SLC35F4: variants seen among roughly 807,000 people sequenced by gnomAD.
SLC35F4 encodes solute carrier family 35 member F4.
In SLC35F4, 24 loss-of-function variants were observed where a neutral mutation model predicts 44.2. The ratio of observed to expected loss-of-function variants is 0.54; its 90% CI spans 0.39 to 0.76. The LOEUF is 0.76. Among genes scored for constraint, SLC35F4 ranks in the 30% least tolerant of loss-of-function variants. SLC35F4 has a pLI of 0.00. For synonymous variants in SLC35F4, 238 were observed against 223.6 expected (o/e 1.06, Z -0.57); for missense variants, 562 against 586.1 (o/e 0.96, Z 0.42).
intron 7 of SLC35F4, among the ~76,000 whole-genome samples, chr14:57,565,393 A>G (rs1258117396): frequency 2.6e-5 from 4 of 152,162 alleles, no homozygotes; most frequent in Non-Finnish European, 5.9e-5. Context: ...TGCTCCTCCT[A>G]TGCGCCCTCG....
intron 1 of SLC35F4, among the ~76,000 whole-genome samples, chr14:57,650,528 T>G (rs1013870326): frequency 9.2e-5 from 14 of 152,104 alleles, no homozygotes; most frequent in African/African-American, 3.4e-4. Context: ...TCTATGTCTG[T>G]CACCTAATTC....
intron 1 of SLC35F4, among the ~76,000 whole-genome samples, chr14:57,910,307 A>C (rs1889191846): frequency 6.6e-6 from 1 of 152,062 alleles, no homozygotes; most frequent in Admixed American, 6.6e-5. Context: ...ATTTTAATGA[A>C]GCCTAGCTTA....
intron 1 of SLC35F4, among the ~76,000 whole-genome samples, chr14:57,709,513 A>G (rs1340676087): frequency 6.6e-6 from 1 of 152,106 alleles, no homozygotes; most frequent in Non-Finnish European, 1.5e-5. Context: ...TCTATGATCT[A>G]TATCTAGTAT....
chr14:57,826,700 A>C (rs1883803604), intron 1 of SLC35F4, among the ~76,000 whole-genome samples: 1 of 152,146 alleles, frequency 6.6e-6, no homozygotes, highest in Non-Finnish European at 1.5e-5. Context: ...GGTGAAGGAC[A>C]TGAACAGACA....
At chr14:57,658,534 G>A (rs1478586449) in intron 1 of SLC35F4, among the ~76,000 whole-genome samples, 1 of 152,132 alleles carries the variant, frequency 6.6e-6, no homozygotes, top group African/African-American at 2.4e-5. Flanking sequence ...TGAAACAGCA[G>A]ACATAAAAGA....
intron 1 of SLC35F4, among the ~76,000 whole-genome samples, chr14:57,740,490 T>A (rs1380877934): frequency 6.6e-6 from 1 of 152,158 alleles, no homozygotes; most frequent in Admixed American, 6.5e-5. Flanking sequence ...TTACAGAGGC[T>A]GGGAAGGTTA....
chr14:57,631,055 C>T (rs2072746293), intron 1 of SLC35F4: 1 of 167,604 alleles, frequency 6.0e-6, no homozygotes, highest in Admixed American at 6.4e-5. Flanking sequence ...AGAAATGTAG[C>T]TTGTTAATAA....
chr14:57,919,599 GGACCAGTAACTAA>G (rs749524382), intron 1 of SLC35F4, among the ~76,000 whole-genome samples: 13 of 152,138 alleles, frequency 8.5e-5, no homozygotes, highest in Non-Finnish European at 1.3e-4. Context: ...TTCCAGGGGT[GGACCAGTAACTAA>G]GACCACCAGA....
Position 57,921,475 on chromosome 14 carries a change from C to A in SLC35F4, n.282+60438G>T, listed in dbSNP as rs527454957. 2.1e-4 allele frequency among the ~76,000 whole-genome samples: 32 copies of A among 152,320 alleles called. 1 individual carries two copies. The highest frequency in any genetic ancestry group is 1.1e-3 in the Admixed American group (17 of 15,304). On this transcript the variant is annotated intron_variant and non_coding_transcript_variant, in intron 1 of 1. Coordinates refer to the SLC35F4 transcript ENST00000556568. The stretch of plus-strand genomic sequence containing the variant: ...CTCTAAAGCTGGAGTGATAATAGTA[C>A]CTAAGGTCCTTAGACCAGTATATTA...
chr14:57,961,454 TC>T (rs1890338504), intron 1 of SLC35F4, among the ~76,000 whole-genome samples: 1 of 152,134 alleles, frequency 6.6e-6, no homozygotes, highest in Admixed American at 6.5e-5. Context: ...CAAGTCACAC[TC>T]CTTAGGTCTT....
chr14:57,587,870 CA>C (rs60521934), intron 3 of SLC35F4, among the ~76,000 whole-genome samples: 37,324 of 124,458 alleles, frequency 0.3, 4,648 homozygotes, highest in Admixed American at 0.4. Flanking sequence ...ATGCACCTTC[CA>C]AAAAAAAAAA....
intron 1 of SLC35F4, among the ~76,000 whole-genome samples, chr14:57,743,617 C>A (rs542071052): frequency 5.3e-5 from 8 of 152,070 alleles, no homozygotes; most frequent in East Asian, 1.9e-4. Context: ...CAGGACCAGA[C>A]GGATTCACAG....
chr14:57,752,470 C>CT (rs549841375), intron 1 of SLC35F4, among the ~76,000 whole-genome samples: 5,134 of 145,620 alleles, frequency 0.035, 130 homozygotes, highest in South Asian at 0.065. Flanking sequence ...TCTTTTTTTT[C>CT]TTTTTTTTTG....
chr14:57,704,141 T>A (rs1885847), intron 1 of SLC35F4, among the ~76,000 whole-genome samples: 139,491 of 152,256 alleles, frequency 0.92, 64,551 homozygotes, highest in Non-Finnish European at 1. Context: ...AGAAACATAG[T>A]CACCCAAAAT....
chr14:57,915,652 C>T lies in SLC35F4; in HGVS notation n.282+66261G>A, dbSNP rs185462351. Among the ~76,000 whole-genome samples the T allele has an allele frequency of 2.8e-5, 4 of 142,294 alleles. 1 individual carries two copies. Among genetic ancestry groups the T allele is most frequent in the Non-Finnish European group, 6.2e-5 (4 of 64,472 alleles). 93.4% of individuals were successfully genotyped at this position (142,294 alleles called of 152,430 possible). A position where few individuals can be genotyped will look rare whatever the true frequency, so the allele number is the denominator to read the frequency against. On this transcript the variant is annotated intron_variant and non_coding_transcript_variant, in intron 1 of 1. Transcript: ENST00000556568. ...CCTGGGCATGGACACATTTCAGCCA[C>T]GGTCTTTGCCACATTATAACAAGGA... is the stretch of plus-strand genomic sequence containing the variant.
At chr14:57,570,596 T>G (rs949456294) in intron 5 of SLC35F4, among the ~76,000 whole-genome samples, 1 of 152,150 alleles carries the variant, frequency 6.6e-6, no homozygotes, top group African/African-American at 2.4e-5. Flanking sequence ...CACAACAGAT[T>G]ACAGAGAAAG....
intron 1 of SLC35F4, among the ~76,000 whole-genome samples, chr14:57,643,302 G>A (rs1055579450): frequency 1.3e-4 from 20 of 151,886 alleles, no homozygotes; most frequent in African/African-American, 4.6e-4. Context: ...GCATACCAAG[G>A]ACTCTTAACA....
intron 1 of SLC35F4, among the ~76,000 whole-genome samples, chr14:57,657,614 G>A (rs972432509): frequency 9.2e-5 from 14 of 152,048 alleles, no homozygotes; most frequent in African/African-American, 2.4e-4. Context: ...TGCATCGCAC[G>A]TGAGATTCTG....
chr14:57,568,509 C>G (rs946516740), intron 6 of SLC35F4, among the ~76,000 whole-genome samples: 1 of 152,118 alleles, frequency 6.6e-6, no homozygotes, highest in Non-Finnish European at 1.5e-5. Flanking sequence ...CTCAGCTTAG[C>G]AGAGGTTATG....
Sources: gnomAD v4.1 joint callset for allele counts (sites outside exome capture counted in the v4.1 genomes callset) on GRCh38, gnomAD v4.1.1 for gene constraint, MANE v1.5 for transcripts, NCBI Gene and HGNC (gene_info 2026-07-23, HGNC 2026-07-21) for gene names.